The following HPSE2 variants were observed in gnomAD, a reference collection of about 807,000 sequenced individuals.
The protein encoded by HPSE2 is inactive heparanase-2.
In HPSE2, 38 loss-of-function variants were observed where a neutral mutation model predicts 60.5. The observed-to-expected ratio is 0.63, with a 90% CI of 0.48 to 0.82. The LOEUF (loss-of-function observed/expected upper bound fraction) is 0.82. HPSE2 is among the 40% of genes least tolerant of loss of function. HPSE2 has a pLI of 0.00. For missense variants in HPSE2, 713 were observed against 740.4 expected (o/e 0.96, Z 0.43); for synonymous variants, 295 against 293.2 (o/e 1.01, Z -0.06).
chr10:98,510,589 A>C (rs1942356441), intron 9 of HPSE2, among the ~76,000 whole-genome samples: 1 of 152,164 alleles, frequency 6.6e-6, no homozygotes, highest in Non-Finnish European at 1.5e-5. Flanking sequence ...ACTTTTGATG[A>C]TACACTACAG....
intron 9 of HPSE2, among the ~76,000 whole-genome samples, chr10:98,557,880 C>T (rs867004952): frequency 2.6e-5 from 4 of 151,760 alleles, no homozygotes; most frequent in South Asian, 4.2e-4. Flanking sequence ...ACCCAGGAGG[C>T]GGAGGTTGCA....
chr10:98,652,267 G>C (rs940386298), intron 6 of HPSE2, among the ~76,000 whole-genome samples: 4 of 152,136 alleles, frequency 2.6e-5, no homozygotes, highest in African/African-American at 9.7e-5. Flanking sequence ...GGAATAGGAA[G>C]GTAAGAGCCA....
intron 3 of HPSE2, among the ~76,000 whole-genome samples, chr10:99,099,110 G>T (rs1009120042): frequency 6.6e-6 from 1 of 152,152 alleles, no homozygotes; most frequent in African/African-American, 2.4e-5. Context: ...CTGAGGTACT[G>T]GGTTCATCTC....
In HPSE2 at chr10:98,895,386, C is replaced by T. The variant is rs963434337; in HGVS notation, c.611-151330G>A. 5.9e-5 allele frequency among the ~76,000 whole-genome samples: 9 copies of T among 152,106 alleles called. 1 individual carries two copies. Among genetic ancestry groups the T allele is most frequent in the African/African-American group, 2.2e-4 (9 of 41,432 alleles). On this transcript the variant is annotated intron_variant, in intron 3 of 11. Coordinates refer to ENST00000370552, the MANE Select transcript of HPSE2 (RefSeq NM_021828.5). Reference sequence around the variant, plus strand: ...CTATGATCACAGTAGAATAAATTTTCTTACAGCCACAGAGTCCATGTAGCT... The same window carrying T: ...CTATGATCACAGTAGAATAAATTTTTTTACAGCCACAGAGTCCATGTAGCT...
chr10:98,951,366 A>G (rs1282827628), intron 3 of HPSE2, among the ~76,000 whole-genome samples: 1 of 152,196 alleles, frequency 6.6e-6, no homozygotes, highest in Non-Finnish European at 1.5e-5. Flanking sequence ...TGAAGAAATG[A>G]CAGTCAGCAT....
At chr10:98,896,022 ACAT>A (rs1953481953) in intron 3 of HPSE2, among the ~76,000 whole-genome samples, 1 of 151,598 alleles carries the variant, frequency 6.6e-6, no homozygotes, top group African/African-American at 2.4e-5. Flanking sequence ...CCAGCATGGC[ACAT>A]GTATACATAT....
At chr10:98,936,812 C>T (rs1379895202) in intron 3 of HPSE2, among the ~76,000 whole-genome samples, 1 of 140,784 alleles carries the variant, frequency 7.1e-6, no homozygotes, top group Non-Finnish European at 1.5e-5. Context: ...AACCCTGTGT[C>T]CCCTAAAAAT....
At chr10:98,675,084 T>C (rs917738120) in intron 6 of HPSE2, among the ~76,000 whole-genome samples, 5 of 152,210 alleles carry the variant, frequency 3.3e-5, no homozygotes, top group Non-Finnish European at 5.9e-5. Context: ...ATGCTTTACA[T>C]GCATCATCTC....
chr10:99,055,295 A>C (rs2135509983), intron 3 of HPSE2, among the ~76,000 whole-genome samples: 1 of 152,286 alleles, frequency 6.6e-6, no homozygotes, highest in East Asian at 1.9e-4. Context: ...AATGGCAACT[A>C]AATACACATA....
chr10:98,523,070 T>C (rs1473193987), intron 9 of HPSE2, among the ~76,000 whole-genome samples: 1 of 152,204 alleles, frequency 6.6e-6, no homozygotes, highest in African/African-American at 2.4e-5. Context: ...GTTCTCTCAG[T>C]TGGGCACAGC....
At chr10:98,657,073 T>G (rs1947089184) in intron 6 of HPSE2, among the ~76,000 whole-genome samples, 1 of 152,070 alleles carries the variant, frequency 6.6e-6, no homozygotes, top group Non-Finnish European at 1.5e-5. Flanking sequence ...TGATGGGCAT[T>G]TTTTAGAGTA....
chr10:99,211,145 A>T (rs1049397626), intron 2 of HPSE2, among the ~76,000 whole-genome samples: 5 of 152,158 alleles, frequency 3.3e-5, no homozygotes, highest in Non-Finnish European at 5.9e-5. Flanking sequence ...AAAGAAATGA[A>T]GACAACAATT....
chr10:98,910,357 C>G (rs1953946141), intron 3 of HPSE2, among the ~76,000 whole-genome samples: 1 of 152,120 alleles, frequency 6.6e-6, no homozygotes, highest in Non-Finnish European at 1.5e-5. Context: ...AGAGAAATTT[C>G]AACTGAAGGG....
At chr10:99,313,669 A>G in the HPSE2 span, among the ~76,000 whole-genome samples, 2 of 127,366 alleles carry the variant, frequency 1.6e-5, no homozygotes, top group African/African-American at 6.2e-5. Flanking sequence ...GTGCAATCTC[A>G]GCTCACTGCA....
At chr10:98,735,037 C>A (rs1437783016) in intron 4 of HPSE2, among the ~76,000 whole-genome samples, 1 of 152,068 alleles carries the variant, frequency 6.6e-6, no homozygotes, top group Non-Finnish European at 1.5e-5. Context: ...TTTGGGTTTA[C>A]TCTTCGTGTT....
intron 3 of HPSE2, among the ~76,000 whole-genome samples, chr10:98,998,639 A>T (rs1956703690): frequency 2.6e-5 from 4 of 152,238 alleles, no homozygotes; most frequent in Admixed American, 1.3e-4. Flanking sequence ...CAGATCACTC[A>T]GTCCTCCAGC....
At chr10:99,071,740 T>G (rs1006631759) in intron 3 of HPSE2, among the ~76,000 whole-genome samples, 9 of 152,232 alleles carry the variant, frequency 5.9e-5, no homozygotes, top group African/African-American at 2.2e-4. Context: ...CATTAATTTT[T>G]GTCCACGTGT....
At chr10:98,551,865 T>C (rs1943874061) in intron 9 of HPSE2, among the ~76,000 whole-genome samples, 2 of 152,208 alleles carry the variant, frequency 1.3e-5, no homozygotes, top group Non-Finnish European at 2.9e-5. Flanking sequence ...AAGGTGCTTG[T>C]TAAAAATACA....
At chr10:98,689,638 T>C (rs1424379573) in intron 6 of HPSE2, among the ~76,000 whole-genome samples, 1 of 152,190 alleles carries the variant, frequency 6.6e-6, no homozygotes, top group African/African-American at 2.4e-5. Flanking sequence ...CATATTTTCC[T>C]GTTTCTTTGC....
Sources: gnomAD v4.1 joint callset for allele counts (sites outside exome capture counted in the v4.1 genomes callset) on GRCh38, gnomAD v4.1.1 for gene constraint, MANE v1.5 for transcripts, NCBI Gene and HGNC (gene_info 2026-07-23, HGNC 2026-07-21) for gene names.